Variants in PTPRD observed in about 807,000 individuals in gnomAD.
The protein encoded by PTPRD is protein tyrosine phosphatase receptor type D.
In PTPRD, 34 loss-of-function variants were observed where a neutral mutation model predicts 214.5. The ratio of observed to expected loss-of-function variants is 0.16; its 90% CI spans 0.12 to 0.21. PTPRD has a LOEUF of 0.21. PTPRD is among the 10% of genes least tolerant of loss of function. The pLI, the probability that PTPRD is intolerant of heterozygous loss-of-function variation, is 1.00. For synonymous variants in PTPRD, 1,128 were observed against 845.7 expected, an observed-to-expected ratio of 1.33 and a Z score of -5.79; for missense variants, 2,545 against 2,398.7, an observed-to-expected ratio of 1.06 and a Z score of -1.27.
chr9:9,114,230 G>A (rs570710168), intron 10 of PTPRD, among the ~76,000 whole-genome samples: 2 of 152,288 alleles, frequency 1.3e-5, no homozygotes, highest in Admixed American at 6.5e-5. Flanking sequence ...TAGTTCGGGT[G>A]CAAACAGGGA....
chr9:9,242,624 T>C (rs545248655), intron 9 of PTPRD, among the ~76,000 whole-genome samples: 1 of 152,336 alleles, frequency 6.6e-6, no homozygotes, highest in African/African-American at 2.4e-5. Flanking sequence ...TTCTTCCAGT[T>C]GATCGAATCA....
At chr9:9,860,171 G>C (rs1356846139) in intron 5 of PTPRD, among the ~76,000 whole-genome samples, 1 of 152,192 alleles carries the variant, frequency 6.6e-6, no homozygotes, top group Non-Finnish European at 1.5e-5. Flanking sequence ...TCTAGAGTCA[G>C]ATGGTACATG....
At chr9:9,765,727 C>G (rs1434066733) in intron 6 of PTPRD, among the ~76,000 whole-genome samples, 1 of 152,214 alleles carries the variant, frequency 6.6e-6, no homozygotes, top group Non-Finnish European at 1.5e-5. Context: ...GTGGCATGAT[C>G]TCGGCTCACT....
chr9:8,709,526 A>C (rs1293220772), intron 12 of PTPRD, among the ~76,000 whole-genome samples: 1 of 150,616 alleles, frequency 6.6e-6, no homozygotes, highest in Non-Finnish European at 1.5e-5. Flanking sequence ...AAAAAAAAAA[A>C]AAAAAGAAAA....
intron 39 of PTPRD, among the ~76,000 whole-genome samples, chr9:8,354,588 T>G (rs914601609): frequency 6.6e-6 from 1 of 152,240 alleles, no homozygotes; most frequent in Non-Finnish European, 1.5e-5. Context: ...TTTGAACTCC[T>G]TGAATAAAGG....
At position 8,441,287 on chromosome 9, in the gene PTPRD, A is replaced by T. The variant is rs529458342; in HGVS notation, c.3989-4598T>A. Among the ~76,000 whole-genome samples the T allele has an allele frequency of 5.3e-5, 8 of 152,012 alleles. No individual in the cohort carries two copies. In the South Asian group the frequency reaches 1.7e-3, roughly 32 times the overall value. ...GCAACTAACGCTCAGTCTCAATGTCACTCATCTTTAGGGCTAGTGTACACA... is the reference window on the plus strand; with the variant it reads ...GCAACTAACGCTCAGTCTCAATGTCTCTCATCTTTAGGGCTAGTGTACACA... On this transcript the variant is annotated intron_variant, in intron 34 of 45. Coordinates refer to ENST00000381196, the MANE Select transcript of PTPRD (RefSeq NM_002839.4).
At chr9:9,598,547 T>C (rs1299317606) in intron 7 of PTPRD, among the ~76,000 whole-genome samples, 2 of 152,006 alleles carry the variant, frequency 1.3e-5, no homozygotes, top group Non-Finnish European at 2.9e-5. Flanking sequence ...AGAATACAGT[T>C]TTTGAAGAAG....
chr9:10,160,891 A>C (rs1232592675), intron 3 of PTPRD, among the ~76,000 whole-genome samples: 2 of 151,980 alleles, frequency 1.3e-5, no homozygotes, highest in Non-Finnish European at 2.9e-5. Context: ...CGGAATCAAC[A>C]TCCAAAAATC....
chr9:10,183,763 G>A (rs141653972), intron 3 of PTPRD, among the ~76,000 whole-genome samples: 105 of 152,146 alleles, frequency 6.9e-4, no homozygotes, highest in Admixed American at 1.6e-3. Context: ...AAAATAAAAC[G>A]TCAAAGAAAA....
At chr9:9,668,254 A>G (rs538675745) in intron 7 of PTPRD, among the ~76,000 whole-genome samples, 12 of 152,236 alleles carry the variant, frequency 7.9e-5, no homozygotes, top group Admixed American at 3.9e-4. Flanking sequence ...ATGCAACACT[A>G]TTGAATAACC....
chr9:10,216,606 C>A (rs1242352148), intron 3 of PTPRD, among the ~76,000 whole-genome samples: 1 of 151,892 alleles, frequency 6.6e-6, no homozygotes, highest in Non-Finnish European at 1.5e-5. Context: ...AAAATGCATA[C>A]AATGATGTTT....
Position 10,559,027 on chromosome 9 carries a change from G to A in PTPRD, c.-600+53371C>T, listed in dbSNP as rs144049020. Among the ~76,000 whole-genome samples the A allele has an allele frequency of 1.1e-4, 16 of 152,122 alleles. No individual in the cohort carries two copies. In the East Asian group the frequency reaches 1.9e-3, roughly 18 times the overall value. ...TTTTGTTGGGGAGGTTTCCACATCC[G>A]GAGGCTTGGAGACAAGGTTAAGTAA... is the stretch of plus-strand genomic sequence containing the variant. On this transcript the variant is annotated intron_variant, in intron 2 of 45. Transcript: ENST00000381196.
At chr9:9,395,038 A>G (rs118081025) in intron 9 of PTPRD, among the ~76,000 whole-genome samples, 2,136 of 152,136 alleles carry the variant, frequency 0.014, 22 homozygotes, top group Non-Finnish European at 0.022. Flanking sequence ...TATAAATTCA[A>G]TCCTGTGGGG....
At chr9:9,026,812 C>T (rs945197092) in intron 10 of PTPRD, among the ~76,000 whole-genome samples, 36 of 151,882 alleles carry the variant, frequency 2.4e-4, no homozygotes, top group African/African-American at 8.5e-4. Context: ...ATAGCTTTCT[C>T]ATTCTCTACC....
chr9:10,099,250 G>A lies in PTPRD; in HGVS notation c.-544-65460C>T, dbSNP rs535410622. Among the ~76,000 whole-genome samples, 29 of 151,810 alleles carry A rather than the reference G, an allele frequency of 1.9e-4. 1 individual carries two copies. In the South Asian group the frequency reaches 3.7e-3, roughly 20 times the overall value. On this transcript the variant is annotated intron_variant, in intron 3 of 45. Coordinates refer to ENST00000381196, the MANE Select transcript of PTPRD (RefSeq NM_002839.4). ...CAAACCCAGAAAAACTACATTAAGA[G>A]CAGTGTGTGACCTTCAGCAAATTAC... is the stretch of plus-strand genomic sequence containing the variant.
rs180697491 is a variant in PTPRD, at chr9:9,817,681, G to A, written c.-367-50830C>T. ...ATTGTCCACAGGGAATAAAACAAAC[G>A]GGCTAAGGGGTTAGGGGTCTTCTGT... On this transcript the variant is annotated intron_variant, in intron 5 of 45. Coordinates refer to ENST00000381196, the MANE Select transcript of PTPRD (RefSeq NM_002839.4). Among the ~76,000 whole-genome samples, 369 of 152,162 alleles carry A rather than the reference G, an allele frequency of 2.4e-3. 1 individual carries two copies. The highest frequency in any genetic ancestry group is 3.0e-3 in the Non-Finnish European group (202 of 67,990).
chr9:9,394,620 C>T (rs1271818971), intron 9 of PTPRD, among the ~76,000 whole-genome samples: 1 of 152,064 alleles, frequency 6.6e-6, no homozygotes, highest in Non-Finnish European at 1.5e-5. Context: ...AAACTCTGAA[C>T]AGTGCCTGGC....
At chr9:8,353,596 C>T (rs901634990) in intron 39 of PTPRD, among the ~76,000 whole-genome samples, 1 of 151,834 alleles carries the variant, frequency 6.6e-6, no homozygotes, top group African/African-American at 2.4e-5. Flanking sequence ...CTACACCCGG[C>T]TCATTTTCCT....
At chr9:9,438,724 A>G (rs989612359) in intron 8 of PTPRD, among the ~76,000 whole-genome samples, 2 of 152,204 alleles carry the variant, frequency 1.3e-5, no homozygotes, top group Non-Finnish European at 2.9e-5. Context: ...TTCTTCCAAA[A>G]TTGCAATTTG....
Sources: gnomAD v4.1 joint callset for allele counts (sites outside exome capture counted in the v4.1 genomes callset) on GRCh38, gnomAD v4.1.1 for gene constraint, MANE v1.5 for transcripts, NCBI Gene and HGNC (gene_info 2026-07-23, HGNC 2026-07-21) for gene names.